Variants in VPS13C observed in about 807,000 individuals in gnomAD.
VPS13C encodes intermembrane lipid transfer protein VPS13C.
In VPS13C, 358 loss-of-function variants were observed where a neutral mutation model predicts 456.8. That is an observed-to-expected ratio of 0.78 (90% CI 0.72 to 0.86). The LOEUF is 0.86. Ranked by LOEUF, VPS13C falls within the 40% of genes least tolerant of loss-of-function variation. VPS13C has a pLI of 0.00. For missense variants in VPS13C, 4,818 were observed against 4,385.4 expected, an observed-to-expected ratio of 1.10 and a Z score of -2.79; for synonymous variants, 1,578 against 1,486.7, an observed-to-expected ratio of 1.06 and a Z score of -1.41.
intron 41 of VPS13C, 61 bp downstream of exon 41, chr15:61,950,297 G>A (rs2140287114): frequency 8.3e-7 from 1 of 1,204,782 alleles, no homozygotes; most frequent in South Asian, 1.2e-5. Context: ...AGTTGAAAAT[G>A]GCTATGAAGC....
At chr15:61,942,930 A>G (rs2044476923) in intron 45 of VPS13C, among the ~76,000 whole-genome samples, 1 of 152,196 alleles carries the variant, frequency 6.6e-6, no homozygotes, top group South Asian at 2.1e-4. Flanking sequence ...TTCAGGATAC[A>G]AAATCAATGT....
In VPS13C at chr15:61,854,494, G is replaced by T. The variant is rs759822152; in HGVS notation, c.11225C>A (p.Ser3742Ter). The T allele has an allele frequency of 1.9e-6, 3 of 1,614,042 alleles. No homozygotes were observed. In the African/African-American group the frequency reaches 4.0e-5, roughly 22 times the overall value. ...TRQQQKLMKQSSVRLLRPQLP... is the reference protein window; with the variant it reads ...TRQQQKLMKQ ...TTGGGGTCTGAGAAGTCTCACTGAT[G>T]ACTGCTTCATCAATTTTTGCTGCTG... Residue 3742 changes from serine to a stop codon, truncating the protein, a stop_gained, in exon 85 of 85, where the codon TCA (serine) becomes TAA (stop). Transcript: ENST00000644861. LOFTEE classifies it high-confidence loss of function.
chr15:62,034,823 A>G, intron 4 of VPS13C, 134 bp downstream of exon 4: 1 of 519,248 alleles, frequency 1.9e-6, no homozygotes, highest in Non-Finnish European at 3.4e-6. Flanking sequence ...TATGCATATA[A>G]GTGCATCTAT....
intron 80 of VPS13C, 152 bp downstream of exon 80, chr15:61,869,348 T>A (rs1894841145): frequency 2.3e-6 from 2 of 858,242 alleles, no homozygotes; most frequent in African/African-American, 3.5e-5. Flanking sequence ...TTCTTATTCC[T>A]TTCTGGAGGC....
chr15:61,977,879 AAAGT>A (rs552482264), intron 23 of VPS13C, among the ~76,000 whole-genome samples: 5 of 152,026 alleles, frequency 3.3e-5, no homozygotes, highest in Non-Finnish European at 7.4e-5. Flanking sequence ...TAATATATGA[AAAGT>A]AAGTAGAGCA....
chr15:62,010,409 C>T, intron 13 of VPS13C, 63 bp downstream of exon 13: 6 of 1,414,110 alleles, frequency 4.2e-6, no homozygotes, highest in Non-Finnish European at 4.6e-6. Context: ...AAGTAATAAT[C>T]ACAAATAAAA....
At chr15:62,048,824 T>G (rs1390340091) in intron 1 of VPS13C, among the ~76,000 whole-genome samples, 2 of 152,210 alleles carry the variant, frequency 1.3e-5, no homozygotes, top group African/African-American at 4.8e-5. Context: ...TATCTCGTTG[T>G]GGTTTTGATT....
At position 62,023,761 on chromosome 15, in the gene VPS13C, T is replaced by C. The variant is rs1008454942; in HGVS notation, c.514+19A>G. ...AATGTGTATAAACAACACCATGGCA[T>C]AAAACTACTTTTACCTACCTTTTGA... On this transcript the variant is annotated intron_variant, in intron 7 of 84. Transcript: ENST00000644861. The C allele has an allele frequency of 8.7e-6, 14 of 1,602,076 alleles. No homozygotes were observed. The highest frequency in any genetic ancestry group is 1.2e-5 in the Non-Finnish European group (14 of 1,171,626).
At chr15:61,916,639 C>A (rs551178659) in intron 60 of VPS13C, among the ~76,000 whole-genome samples, 1 of 152,052 alleles carries the variant, frequency 6.6e-6, no homozygotes, top group South Asian at 2.1e-4. Flanking sequence ...TCAGGAATGG[C>A]TCATTGTCAG....
At chr15:61,999,446 T>C (rs985215657) in intron 16 of VPS13C, among the ~76,000 whole-genome samples, 1 of 151,968 alleles carries the variant, frequency 6.6e-6, no homozygotes, top group Non-Finnish European at 1.5e-5. Context: ...GTGTGGGGGC[T>C]TGGCGTCCCT....
chr15:61,945,013 G>C (rs1050411157), intron 45 of VPS13C, among the ~76,000 whole-genome samples: 1 of 152,050 alleles, frequency 6.6e-6, no homozygotes, highest in Admixed American at 6.6e-5. Flanking sequence ...TGGATCACAG[G>C]GGCAGTTTCC....
chr15:62,005,955 C>A (rs1160142168), intron 15 of VPS13C, among the ~76,000 whole-genome samples: 1 of 151,982 alleles, frequency 6.6e-6, no homozygotes, highest in Non-Finnish European at 1.5e-5. Context: ...CCGCCCGCCT[C>A]AGCCTCCCAA....
In VPS13C at chr15:61,991,043, A is replaced by G. The variant is rs1050255921; in HGVS notation, c.1535T>C (p.Ile512Thr). 1.9e-6 allele frequency: 3 copies of G among 1,612,818 alleles called. No homozygotes were observed. Among genetic ancestry groups the G allele is most frequent in the Non-Finnish European group, 2.5e-6 (3 of 1,179,558 alleles). Residue 512 changes from isoleucine to threonine, a missense_variant, in exon 18 of 85, where the codon ATT becomes ACT. Coordinates refer to ENST00000644861, the MANE Select transcript of VPS13C (RefSeq NM_020821.3). ...GTTGTGGGTACTCTCACTATAACCAATGGCAGTGAAGAGTTTATCTTTTTC... is the reference window on the plus strand; with the variant it reads ...GTTGTGGGTACTCTCACTATAACCAGTGGCAGTGAAGAGTTTATCTTTTTC... Reference protein sequence around the residue: ...PEEKDKLFTAIGYSESTHNLT... With the variant: ...PEEKDKLFTATGYSESTHNLT...
chr15:61,864,418 A>G (rs1894398258), intron 81 of VPS13C: 2 of 873,182 alleles, frequency 2.3e-6, no homozygotes, highest in Non-Finnish European at 2.7e-6. Flanking sequence ...CTAATGAAAT[A>G]CTATTACTGA....
intron 81 of VPS13C, chr15:61,865,540 ATATG>A (rs1894483536): frequency 5.5e-6 from 5 of 909,936 alleles, no homozygotes; most frequent in African/African-American, 1.8e-5. Flanking sequence ...ATGTATGTAT[ATATG>A]TATGTGTAAA....
chr15:61,892,201 T>A (rs940301462), intron 66 of VPS13C, among the ~76,000 whole-genome samples: 2 of 152,112 alleles, frequency 1.3e-5, no homozygotes, highest in Non-Finnish European at 2.9e-5. Context: ...GATTAAAAAC[T>A]CCAGCCCAAG....
chr15:61,927,942 A>G (rs2140210420), intron 51 of VPS13C, among the ~76,000 whole-genome samples: 1 of 152,114 alleles, frequency 6.6e-6, no homozygotes, highest in Admixed American at 6.5e-5. Flanking sequence ...TATCGCAAGG[A>G]CAAAAAACCA....
At chr15:62,029,079 G>A (rs112885781) in intron 5 of VPS13C, among the ~76,000 whole-genome samples, 1,821 of 152,050 alleles carry the variant, frequency 0.012, 39 homozygotes, top group African/African-American at 0.042. Flanking sequence ...CATTGTACAG[G>A]GTTAAGATTA....
intron 68 of VPS13C, among the ~76,000 whole-genome samples, chr15:61,883,294 C>T (rs1332537665): frequency 6.6e-6 from 1 of 151,724 alleles, no homozygotes; most frequent in Non-Finnish European, 1.5e-5. Context: ...GCCTCAGCCT[C>T]CTAAAGTACT....
Sources: gnomAD v4.1 joint callset for allele counts (sites outside exome capture counted in the v4.1 genomes callset) on GRCh38, gnomAD v4.1.1 for gene constraint, MANE v1.5 for transcripts, NCBI Gene and HGNC (gene_info 2026-07-23, HGNC 2026-07-21) for gene names.